The following ROS1 variants were observed in gnomAD, a reference collection of about 807,000 sequenced individuals.
The protein encoded by ROS1 is ROS proto-oncogene 1, receptor tyrosine kinase.
Under a neutral mutation model 273.5 loss-of-function variants are expected in ROS1, and 263 were observed. That is an observed-to-expected ratio of 0.96 (90% confidence interval 0.87 to 1.06). ROS1 has a LOEUF of 1.06. ROS1 is among the 50% of genes least tolerant of loss of function. The pLI is 0.00. For missense variants in ROS1, 2,833 were observed against 2,751.1 expected (o/e 1.03, Z -0.67); for synonymous variants, 1,008 against 954.1 (o/e 1.06, Z -1.04).
intron 41 of ROS1, among the ~76,000 whole-genome samples, chr6:117,309,613 A>G (rs1775381075): frequency 6.6e-6 from 1 of 152,272 alleles, no homozygotes; most frequent in Non-Finnish European, 1.5e-5. Context: ...CAAAAGTTGG[A>G]GTCAACAAAC....
intron 7 of ROS1, among the ~76,000 whole-genome samples, chr6:117,402,901 A>AAAG (rs1451856758): frequency 2.0e-5 from 3 of 151,544 alleles, no homozygotes; most frequent in African/African-American, 4.8e-5. Context: ...AAAAAAAAAA[A>AAAG]AAAAGAAAAG....
chr6:117,357,996 G>A lies in ROS1; in HGVS notation c.3647C>T (p.Ser1216Leu), dbSNP rs777430404. 1.9e-6 allele frequency: 3 copies of A among 1,612,246 alleles called. No individual in the cohort carries two copies. The highest frequency in any genetic ancestry group is 2.2e-5 in the South Asian group (2 of 90,916). The change falls in exon 25 of 44, where the codon TCA becomes TTA. Residue 1216 changes from serine (S) to leucine (L), a missense_variant. Coordinates refer to ENST00000368507, the MANE Select transcript of ROS1 (RefSeq NM_001378902.1). Reference sequence around the variant, plus strand: ...AATAACTGTGATATCAAAAACCAGTGAATCTTGGAAAAGCTTAACAACAGG... The same window carrying A: ...AATAACTGTGATATCAAAAACCAGTAAATCTTGGAAAAGCTTAACAACAGG... ...NRSSSELFQD[S>L]LVFDITVITI...
intron 23 of ROS1, 59 bp from the exon 24 acceptor site, chr6:117,360,070 A>T (rs985897221): frequency 8.6e-6 from 12 of 1,389,874 alleles, no homozygotes; most frequent in Middle Eastern, 1.9e-4. Flanking sequence ...AGCTTAGCAA[A>T]GTCTCGATTT....
intron 42 of ROS1, among the ~76,000 whole-genome samples, chr6:117,307,854 C>T (rs557081585): frequency 2.6e-5 from 4 of 152,038 alleles, no homozygotes; most frequent in Non-Finnish European, 2.9e-5. Context: ...GGTGTGCATC[C>T]GCATACTGCT....
intron 43 of ROS1, chr6:117,299,324 T>TA (rs1420559009): frequency 2.6e-5 from 4 of 152,246 alleles, no homozygotes; most frequent in African/African-American, 9.6e-5. Context: ...TTCTTGTTTT[T>TA]ATCTGCTATT....
intron 31 of ROS1, among the ~76,000 whole-genome samples, chr6:117,338,308 A>G (rs545513555): frequency 6.6e-6 from 1 of 152,202 alleles, no homozygotes; most frequent in South Asian, 2.1e-4. Context: ...ATGATTCTCT[A>G]TAGCATTTTC....
In ROS1 at chr6:117,288,714, AT is replaced by A; in HGVS notation, c.6803del (p.Tyr2268LeufsTer19). 1 of 1,614,166 alleles carries A rather than the reference AT, an allele frequency of 6.2e-7. No homozygotes were observed. Among genetic ancestry groups the A allele is most frequent in the Non-Finnish European group, 8.5e-7 (1 of 1,179,996 alleles). On this transcript the variant is annotated frameshift_variant, in exon 44 of 44. Transcript: ENST00000368507. LOFTEE classifies it high-confidence loss of function. Reference protein sequence around the residue: ...METKNREGLNYMVLATECGQG... With the variant: ...METKNREGLNXMVLATECGQG... Reference sequence around the variant, plus strand: ...GGCCACATTCTGTAGCAAGTACCATATAGTTTAACCCTTCTCGGTTCTTCGT... The same window carrying A: ...GGCCACATTCTGTAGCAAGTACCATAAGTTTAACCCTTCTCGGTTCTTCGT...
intron 43 of ROS1, among the ~76,000 whole-genome samples, chr6:117,294,814 C>T (rs1774093250): frequency 6.6e-6 from 1 of 151,994 alleles, no homozygotes; most frequent in African/African-American, 2.4e-5. Flanking sequence ...TTGTAGGAGG[C>T]ACAAACAAAT....
chr6:117,386,045 GGA>G (rs781256665), intron 15 of ROS1, among the ~76,000 whole-genome samples, 184 bp from the exon 16 acceptor site: 1 of 152,178 alleles, frequency 6.6e-6, no homozygotes, highest in Non-Finnish European at 1.5e-5. Context: ...CTGAAACCAG[GGA>G]GAACAGTGGA....
At chr6:117,381,920 C>T (rs1005716151) in intron 17 of ROS1, among the ~76,000 whole-genome samples, 64 of 152,128 alleles carry the variant, frequency 4.2e-4, no homozygotes, top group Middle Eastern at 3.4e-3. Flanking sequence ...ATGAATTTCC[C>T]CCAAACATGC....
chr6:117,368,415 T>A (rs1362915160), intron 18 of ROS1, among the ~76,000 whole-genome samples: 1 of 152,140 alleles, frequency 6.6e-6, no homozygotes, highest in African/African-American at 2.4e-5. Flanking sequence ...CTAAAGGGAA[T>A]GGATGTACAT....
chr6:117,305,965 T>C (rs1775064697), intron 42 of ROS1, among the ~76,000 whole-genome samples: 1 of 151,960 alleles, frequency 6.6e-6, no homozygotes, highest in Non-Finnish European at 1.5e-5. Context: ...AGTATCTCAT[T>C]TGGCTAAGTA....
chr6:117,299,165 C>T (rs889159728), intron 43 of ROS1, among the ~76,000 whole-genome samples: 9 of 152,182 alleles, frequency 5.9e-5, no homozygotes, highest in African/African-American at 2.2e-4. Flanking sequence ...TGACGCATGG[C>T]CAAGGCATGT....
intron 17 of ROS1, among the ~76,000 whole-genome samples, chr6:117,382,350 T>C (rs1772223875): frequency 6.6e-6 from 1 of 152,176 alleles, no homozygotes; most frequent in Admixed American, 6.5e-5. Context: ...TTATTGGAAT[T>C]GGAGATCAAG....
chr6:117,397,316 A>G (rs1773578897), intron 7 of ROS1, among the ~76,000 whole-genome samples, 200 bp from the exon 8 acceptor site: 1 of 152,166 alleles, frequency 6.6e-6, no homozygotes, highest in Non-Finnish European at 1.5e-5. Context: ...GGCCCTTTCA[A>G]ATGTTACTTT....
At chr6:117,335,373 A>G (rs1777389884) in intron 32 of ROS1, among the ~76,000 whole-genome samples, 1 of 152,190 alleles carries the variant, frequency 6.6e-6, no homozygotes, top group Non-Finnish European at 1.5e-5. Context: ...AAATAGGAAT[A>G]CTTTTACACT....
At position 117,386,919 on chromosome 6, in the gene ROS1, A is replaced by G; in HGVS notation, c.2080T>C (p.Phe694Leu). The G allele has an allele frequency of 6.2e-7, 1 of 1,608,782 alleles. No homozygotes were observed. The highest frequency in any genetic ancestry group is 8.5e-7 in the Non-Finnish European group (1 of 1,175,868). The change falls in exon 15 of 44, where the codon TTC becomes CTC. Residue 694 changes from phenylalanine to leucine, a missense_variant. By Grantham distance (22) the Phe-to-Leu change is conservative (BLOSUM62 0). Coordinates refer to ENST00000368507, the MANE Select transcript of ROS1 (RefSeq NM_001378902.1). ...ACATTTCCTATATCAGAGGATAAGA[A>G]CTCTCCTGGGCCAAAGCTATTTAAT... is the stretch of plus-strand genomic sequence containing the variant. ...KPLNSFGPGEFLSSDIGNVSD... is the reference protein window; with the variant it reads ...KPLNSFGPGELLSSDIGNVSD...
chr6:117,298,083 G>T (rs1774394240), intron 43 of ROS1, among the ~76,000 whole-genome samples: 1 of 152,082 alleles, frequency 6.6e-6, no homozygotes, highest in Non-Finnish European at 1.5e-5. Context: ...GGATGAAACT[G>T]GAGGCAATTA....
At chr6:117,406,013 C>T (rs986409728) in intron 5 of ROS1, among the ~76,000 whole-genome samples, 1 of 152,080 alleles carries the variant, frequency 6.6e-6, no homozygotes, top group African/African-American at 2.4e-5. Flanking sequence ...TTTGGCCAGG[C>T]ATGGTGGCTC....
Sources: allele counts gnomAD v4.1 joint callset (sites outside exome capture counted in the v4.1 genomes callset), GRCh38; gene constraint gnomAD v4.1.1; transcripts MANE v1.5; gene names NCBI Gene and HGNC (gene_info 2026-07-23, HGNC 2026-07-21).